The following IL36B variants were observed in gnomAD, a reference collection of about 807,000 sequenced individuals.
IL36B encodes the protein interleukin-36 beta.
A neutral mutation model predicts 19.3 loss-of-function variants in IL36B; 23 were observed. The ratio of observed to expected loss-of-function variants is 1.19; its 90% CI spans 0.86 to 1.69. The LOEUF (loss-of-function observed/expected upper bound fraction) is 1.69. IL36B is among the 40% of genes most tolerant of loss of function. IL36B has a pLI of 0.00. For synonymous variants in IL36B, 59 were observed against 59.7 expected (o/e 0.99, Z 0.05); for missense variants, 217 against 200.5 (o/e 1.08, Z -0.50).
At chr2:113,034,110 C>A (rs1685125990) in intron 1 of IL36B, among the ~76,000 whole-genome samples, 1 of 152,154 alleles carries the variant, frequency 6.6e-6, no homozygotes, top group African/African-American at 2.4e-5. Flanking sequence ...TTGCTTTATG[C>A]CCCAAATAAC....
chr2:113,047,805 G>A (rs1276242674), intron 1 of IL36B, among the ~76,000 whole-genome samples: 1 of 151,842 alleles, frequency 6.6e-6, no homozygotes, highest in Non-Finnish European at 1.5e-5. Context: ...AAAAATTAAA[G>A]GTAGACTTTA....
rs1023028224 is a variant in IL36B at position 113,050,657 on chromosome 2, C to A, written c.-58+2160G>T. Among the ~76,000 whole-genome samples, 11 of 152,052 alleles carry A rather than the reference C, an allele frequency of 7.2e-5. No individual in the cohort carries two copies. In the East Asian group the frequency reaches 1.2e-3, roughly 16 times the overall value. On this transcript the variant is annotated intron_variant, in intron 1 of 5. Transcript: ENST00000259213. ...TAATAATAACAATTTAAAGATATAT[C>A]AAAAGAGGCAAATGTGCAGACATCT...
At chr2:113,029,894 CA>C (rs1685041521) in intron 3 of IL36B, among the ~76,000 whole-genome samples, 1 of 152,050 alleles carries the variant, frequency 6.6e-6, no homozygotes, top group Non-Finnish European at 1.5e-5. Context: ...AAAGAAAATG[CA>C]AAAGAGGAGC....
At chr2:113,025,263 C>T (rs1299007204) in intron 5 of IL36B, among the ~76,000 whole-genome samples, 3 of 152,178 alleles carry the variant, frequency 2.0e-5, no homozygotes, top group Non-Finnish European at 4.4e-5. Flanking sequence ...TCTGAGCAGC[C>T]TTTCTATGTT....
At chr2:113,028,059 A>AAAG in intron 4 of IL36B, 3 of 1,614,184 alleles carry the variant, frequency 1.9e-6, no homozygotes, top group Non-Finnish European at 2.5e-6. Flanking sequence ...TATTGTGGAA[A>AAAG]AAGAGAAAGG....
intron 1 of IL36B, among the ~76,000 whole-genome samples, chr2:113,035,683 TAA>T (rs1381243745): frequency 6.6e-6 from 1 of 151,934 alleles, no homozygotes; most frequent in Non-Finnish European, 1.5e-5. Context: ...GACTTGATGG[TAA>T]ATAAATGGGT....
Position 113,031,069 on chromosome 2 carries a change from G to C in IL36B, c.100C>G (p.Leu34Val). Residue 34 changes from leucine to valine, a missense_variant, in exon 3 of 6, where the codon CTT becomes GTT. Leu to Val is a conservative substitution (Grantham distance 32, BLOSUM62 1). Transcript: ENST00000259213. ...TCACCAGGCTTAATGCTGCGGCTAA[G>C]AGGAGCTGCTATTAAAGAATTTCCA... 6.2e-7 allele frequency: 1 copy of C among 1,612,874 alleles called. No homozygotes were observed. The highest frequency in any genetic ancestry group is 8.5e-7 in the Non-Finnish European group (1 of 1,178,798).
intron 1 of IL36B, among the ~76,000 whole-genome samples, chr2:113,048,350 G>A (rs992279914): frequency 2.0e-5 from 3 of 152,182 alleles, no homozygotes; most frequent in Non-Finnish European, 4.4e-5. Flanking sequence ...GCTGAGGCAG[G>A]AGAATTGCTT....
At chr2:113,024,520 C>G (rs36002992) in intron 5 of IL36B, among the ~76,000 whole-genome samples, 391 of 152,300 alleles carry the variant, frequency 2.6e-3, no homozygotes, top group Non-Finnish European at 3.6e-3. Flanking sequence ...CGTGCCTTCT[C>G]CTGTGGTTCT....
At chr2:113,040,029 A>G (rs768893644) in intron 1 of IL36B, among the ~76,000 whole-genome samples, 6 of 152,230 alleles carry the variant, frequency 3.9e-5, no homozygotes, top group Non-Finnish European at 7.3e-5. Flanking sequence ...AGAAAATCCA[A>G]TAGTCTTTCT....
At chr2:113,045,212 A>T (rs1006818353) in intron 1 of IL36B, among the ~76,000 whole-genome samples, 1 of 152,080 alleles carries the variant, frequency 6.6e-6, no homozygotes, top group Non-Finnish European at 1.5e-5. Context: ...ATTTCATCTT[A>T]ATTTTGAAAG....
intron 3 of IL36B, among the ~76,000 whole-genome samples, chr2:113,029,529 G>A (rs1459175822): frequency 6.6e-6 from 1 of 152,196 alleles, no homozygotes; most frequent in East Asian, 1.9e-4. Flanking sequence ...AGATTGGATG[G>A]AGAGTGAGGG....
chr2:113,025,168 C>T (rs1198800149), intron 5 of IL36B, among the ~76,000 whole-genome samples: 2 of 152,160 alleles, frequency 1.3e-5, no homozygotes, highest in African/African-American at 4.8e-5. Flanking sequence ...CATCTCCTCC[C>T]GAGTGGATGC....
intron 1 of IL36B, among the ~76,000 whole-genome samples, chr2:113,037,270 G>T (rs1355442393): frequency 6.6e-6 from 1 of 152,324 alleles, no homozygotes; most frequent in African/African-American, 2.4e-5. Flanking sequence ...GTTACTTGGA[G>T]TTCAATGATA....
intron 5 of IL36B, among the ~76,000 whole-genome samples, chr2:113,023,503 G>A (rs980818643): frequency 7.9e-5 from 12 of 152,154 alleles, no homozygotes; most frequent in Admixed American, 3.9e-4. Flanking sequence ...TAAACTGTAC[G>A]AGCAATAGAG....
Position 113,034,739 on chromosome 2 carries a change from T to C in IL36B, c.-57-2973A>G, listed in dbSNP as rs1685136766. Among the ~76,000 whole-genome samples, 4 of 152,240 alleles carry C rather than the reference T, an allele frequency of 2.6e-5. No homozygotes were observed. In the South Asian group the frequency reaches 8.3e-4, roughly 31 times the overall value. ...ATCACTTGTGGTGAGAGGTGAGTTC[T>C]TGACCTCCTCATGGAGAAGGGCCAG... On this transcript the variant is annotated intron_variant, in intron 1 of 5. Transcript: ENST00000259213.
At chr2:113,040,596 G>A (rs1308376227) in intron 1 of IL36B, among the ~76,000 whole-genome samples, 2 of 152,102 alleles carry the variant, frequency 1.3e-5, no homozygotes, top group African/African-American at 4.8e-5. Context: ...TATACTGGCA[G>A]CAGGCTATCA....
At chr2:113,027,456 C>A (rs1684984732) in intron 4 of IL36B, 1 of 1,017,306 alleles carries the variant, frequency 9.8e-7, no homozygotes, top group Non-Finnish European at 1.2e-6. Flanking sequence ...GACATGCAAA[C>A]CTTTAATTTC....
chr2:113,031,809 G>A (rs1480620433), intron 1 of IL36B, 43 bp from the exon 2 acceptor site: 5 of 947,758 alleles, frequency 5.3e-6, no homozygotes, highest in Non-Finnish European at 8.3e-6. Context: ...GAAGAAACAT[G>A]TTATGCTTTT....
Sources: allele counts gnomAD v4.1 joint callset (sites outside exome capture counted in the v4.1 genomes callset), GRCh38; gene constraint gnomAD v4.1.1; transcripts MANE v1.5; gene names NCBI Gene and HGNC (gene_info 2026-07-23, HGNC 2026-07-21).